TMEM120B: variants seen among roughly 807,000 people sequenced by gnomAD.
TMEM120B encodes transmembrane protein 120B.
Under a neutral mutation model 55.5 loss-of-function variants are expected in TMEM120B, and 31 were observed. The ratio of observed to expected loss-of-function variants is 0.56; its 90% CI spans 0.42 to 0.75. TMEM120B has a LOEUF of 0.75. TMEM120B is among the 30% of genes least tolerant of loss of function. The pLI, the probability that TMEM120B is intolerant of heterozygous loss-of-function variation, is 0.00. For synonymous variants in TMEM120B, 203 were observed against 176.3 expected, an observed-to-expected ratio of 1.15 and a Z score of -1.20; for missense variants, 399 against 425.5, an observed-to-expected ratio of 0.94 and a Z score of 0.55.
In TMEM120B at chr12:121,781,798, T is replaced by G. The variant is rs1208890074; in HGVS notation, c.*6076T>G. ...AGTCAGCTGAGTTCCCTGCCTATTC[T>G]TGCAAGCACTAGGAGGAGGGTGGTG... On this transcript the variant is annotated 3_prime_UTR_variant, in exon 12 of 12. Transcript: ENST00000449592. The G allele has an allele frequency of 6.5e-6, 1 of 153,152 alleles. No homozygotes were observed. Among genetic ancestry groups the G allele is most frequent in the Non-Finnish European group, 1.5e-5 (1 of 68,758 alleles). The allele number at this position is 153,152 out of a possible 1,614,324, so 9.5% of individuals were successfully genotyped here.
chr12:121,775,940 C>T lies in TMEM120B; in HGVS notation c.*218C>T, dbSNP rs1874231008. 3 of 613,878 alleles carry T rather than the reference C, an allele frequency of 4.9e-6. No homozygotes were observed. Among genetic ancestry groups the T allele is most frequent in the Middle Eastern group, 5.2e-4 (2 of 3,872 alleles). 38.0% of individuals were successfully genotyped at this position (613,878 alleles called of 1,614,324 possible). On this transcript the variant is annotated 3_prime_UTR_variant, in exon 12 of 12. Transcript: ENST00000449592. This position sits in a 1 kb window ranked among gnomAD's most constrained non-coding sequence, Gnocchi z 4.3. ...ATTTAATGCTGGGTCCCCCATCGTCCCTGGAACCCGAGGCCTCACTCCTGT... is the reference window on the plus strand; with the variant it reads ...ATTTAATGCTGGGTCCCCCATCGTCTCTGGAACCCGAGGCCTCACTCCTGT...
chr12:121,716,689 A>C (rs1894709570), intron 1 of TMEM120B, among the ~76,000 whole-genome samples: 1 of 150,176 alleles, frequency 6.7e-6, no homozygotes, highest in Non-Finnish European at 1.5e-5. Flanking sequence ...CAGCCTCCTG[A>C]GTAGCTGGGA....
intron 1 of TMEM120B, among the ~76,000 whole-genome samples, chr12:121,729,536 T>C (rs890803435): frequency 6.6e-6 from 1 of 151,984 alleles, no homozygotes; most frequent in Non-Finnish European, 1.5e-5. Flanking sequence ...TGGGATGTGG[T>C]GGCTCACACC....
chr12:121,774,103 G>A (rs1028697659), intron 9 of TMEM120B, among the ~76,000 whole-genome samples: 1 of 152,014 alleles, frequency 6.6e-6, no homozygotes, highest in Non-Finnish European at 1.5e-5. Flanking sequence ...TTACAGGCAT[G>A]TGCCACCACG....
chr12:121,718,740 A>G (rs534584367), intron 1 of TMEM120B, among the ~76,000 whole-genome samples: 24 of 152,324 alleles, frequency 1.6e-4, no homozygotes, highest in Non-Finnish European at 2.9e-4. Context: ...GCTTTCACAC[A>G]ATGCACTATC....
chr12:121,766,007 G>T (rs980492748), intron 6 of TMEM120B, among the ~76,000 whole-genome samples: 28 of 152,154 alleles, frequency 1.8e-4, no homozygotes, highest in African/African-American at 6.8e-4. Flanking sequence ...CACAGTCTTT[G>T]CCGAAGTGAC....
At chr12:121,765,198 C>T (rs1275401008) in intron 6 of TMEM120B, among the ~76,000 whole-genome samples, 2 of 142,884 alleles carry the variant, frequency 1.4e-5, no homozygotes, top group African/African-American at 5.3e-5. Context: ...GGTGTGTTCT[C>T]GGCTCACTGC....
chr12:121,747,325 C>T (rs28457643), intron 2 of TMEM120B, among the ~76,000 whole-genome samples: 3,700 of 3,988 alleles, frequency 0.93, 1,731 homozygotes, highest in Middle Eastern at 1. Flanking sequence ...GGGTAGAAGG[C>T]GGGAGGCTGG....
chr12:121,715,415 T>G (rs1490548503), intron 1 of TMEM120B, among the ~76,000 whole-genome samples: 1 of 152,194 alleles, frequency 6.6e-6, no homozygotes, highest in East Asian at 1.9e-4. Context: ...ATAGCAAGTC[T>G]TGGCAGGCAG....
chr12:121,740,675 G>A (rs1240008373), intron 1 of TMEM120B, among the ~76,000 whole-genome samples: 1 of 152,096 alleles, frequency 6.6e-6, no homozygotes, highest in Non-Finnish European at 1.5e-5. Context: ...GGGTGGCAGA[G>A]GTGGAAGAAA....
chr12:121,773,040 A>G (rs914004907), intron 8 of TMEM120B, among the ~76,000 whole-genome samples: 4 of 152,232 alleles, frequency 2.6e-5, no homozygotes, highest in African/African-American at 7.2e-5. Flanking sequence ...ACAACGAAGT[A>G]TCCCATTGGA....
At chr12:121,756,994 G>A (rs980122144) in intron 5 of TMEM120B, among the ~76,000 whole-genome samples, 3 of 152,150 alleles carry the variant, frequency 2.0e-5, no homozygotes, top group African/African-American at 7.2e-5. Flanking sequence ...GAGAGTAGCA[G>A]GGCAGTGTAC....
chr12:121,732,306 C>A (rs983818439), intron 1 of TMEM120B, among the ~76,000 whole-genome samples: 2 of 152,142 alleles, frequency 1.3e-5, no homozygotes, highest in Non-Finnish European at 2.9e-5. Flanking sequence ...TTTGTGGCTC[C>A]CCTCACTCCA....
At position 121,775,883 on chromosome 12, in the gene TMEM120B, C is replaced by T. The variant is rs1192457993; in HGVS notation, c.*161C>T. On this transcript the variant is annotated 3_prime_UTR_variant, in exon 12 of 12. Coordinates refer to ENST00000449592, the MANE Select transcript of TMEM120B (RefSeq NM_001080825.2). The surrounding 1 kb of genome is among the most constrained non-coding windows in gnomAD (Gnocchi z 4.3). ...CTAGAGGAATGTGAGCCCCGCCTGT[C>T]CGCACAGTGTCCGCCCACCTATTTA... is the stretch of plus-strand genomic sequence containing the variant. The T allele has an allele frequency of 6.8e-6, 5 of 736,682 alleles. No homozygotes were observed. The highest frequency in any genetic ancestry group is 5.4e-5 in the East Asian group (2 of 37,158). The allele number at this position is 736,682 out of a possible 1,614,324, so 45.6% of individuals were successfully genotyped here.
At chr12:121,741,292 TG>T (rs1381679937) in intron 1 of TMEM120B, among the ~76,000 whole-genome samples, 1 of 152,194 alleles carries the variant, frequency 6.6e-6, no homozygotes, top group Non-Finnish European at 1.5e-5. Flanking sequence ...TTCTTTGTAT[TG>T]TTTTTGTAAT....
In TMEM120B at chr12:121,714,895, C is replaced by T. The variant is rs117824183; in HGVS notation, c.69+1931C>T. On this transcript the variant is annotated intron_variant, in intron 1 of 11. Transcript: ENST00000449592. ...TCTTAATGCTTTGTCTTACTGGGCTCGGAGGTCATGGTCAGCTGTGGAACC... is the reference window on the plus strand; with the variant it reads ...TCTTAATGCTTTGTCTTACTGGGCTTGGAGGTCATGGTCAGCTGTGGAACC... Among the ~76,000 whole-genome samples the T allele has an allele frequency of 8.7e-3, 1,321 of 152,024 alleles. 33 individuals carry two copies. Among genetic ancestry groups the T allele is most frequent in the Admixed American group, 0.048 (730 of 15,232 alleles).
chr12:121,718,345 A>G lies in TMEM120B; in HGVS notation c.69+5381A>G, dbSNP rs575769793. The stretch of plus-strand genomic sequence containing the variant: ...TAAAACAAACAAACAAACAAAAAAC[A>G]AAAAAAAACCTTAGCTGGGCATTGG... On this transcript the variant is annotated intron_variant, in intron 1 of 11. Transcript: ENST00000449592. Among the ~76,000 whole-genome samples, 5 of 151,246 alleles carry G rather than the reference A, an allele frequency of 3.3e-5. No homozygotes were observed. The South Asian group carries it at 1.0e-3, about 32-fold the overall frequency.
At chr12:121,734,578 G>GT (rs930482003) in intron 1 of TMEM120B, among the ~76,000 whole-genome samples, 15 of 149,746 alleles carry the variant, frequency 1.0e-4, no homozygotes, top group African/African-American at 2.0e-4. Flanking sequence ...CTTTTTCTTT[G>GT]TTTTTTTAGT....
chr12:121,749,471 C>G (rs1358614420), intron 3 of TMEM120B, among the ~76,000 whole-genome samples: 1 of 152,158 alleles, frequency 6.6e-6, no homozygotes, highest in Non-Finnish European at 1.5e-5. Flanking sequence ...CACTTGAGCC[C>G]AGGAATTCAA....
Sources: allele counts gnomAD v4.1 joint callset (sites outside exome capture counted in the v4.1 genomes callset), GRCh38; gene constraint gnomAD v4.1.1; non-coding constraint Gnocchi (gnomAD v3.1); transcripts MANE v1.5; gene names NCBI Gene and HGNC (gene_info 2026-07-23, HGNC 2026-07-21).